The following MSH3 variants were observed in gnomAD, a reference collection of about 807,000 sequenced individuals.
MSH3 encodes the protein mutS homolog 3.
A neutral mutation model predicts 123.3 loss-of-function variants in MSH3; 106 were observed. The ratio of observed to expected loss-of-function variants is 0.86; its 90% CI spans 0.73 to 1.01. MSH3 has a LOEUF of 1.01. Among genes scored for constraint, MSH3 ranks in the 50% least tolerant of loss-of-function variants. The pLI is 0.00. For missense variants in MSH3, 1,459 were observed against 1,347.6 expected (o/e 1.08, Z -1.29); for synonymous variants, 515 against 481.4 (o/e 1.07, Z -0.91).
At chr5:80,657,329 T>C (rs1038768716) in intron 2 of MSH3, among the ~76,000 whole-genome samples, 3 of 152,164 alleles carry the variant, frequency 2.0e-5, no homozygotes, top group Non-Finnish European at 4.4e-5. Context: ...TAATCCCAGC[T>C]ACTTGGGAGG....
chr5:80,706,278 G>A (rs1257185691), intron 8 of MSH3, among the ~76,000 whole-genome samples: 3 of 152,148 alleles, frequency 2.0e-5, no homozygotes, highest in African/African-American at 7.2e-5. Context: ...TGAACTTGTG[G>A]ACTCAAAAGG....
At chr5:80,671,000 T>G (rs1749712778) in intron 4 of MSH3, among the ~76,000 whole-genome samples, 1 of 151,952 alleles carries the variant, frequency 6.6e-6, no homozygotes. Context: ...GTGCATGCCT[T>G]TAGTCCCAGC....
intron 17 of MSH3, among the ~76,000 whole-genome samples, chr5:80,782,656 AG>A (rs1431045088): frequency 6.6e-6 from 1 of 152,208 alleles, no homozygotes; most frequent in African/African-American, 2.4e-5. Context: ...AGTGTATTAA[AG>A]TTTTTATCCA....
intron 20 of MSH3, among the ~76,000 whole-genome samples, chr5:80,838,480 A>G (rs1411984322): frequency 1.3e-5 from 2 of 152,216 alleles, no homozygotes; most frequent in Non-Finnish European, 2.9e-5. Flanking sequence ...TGAGTGCCCA[A>G]GACAGGAAAA....
intron 12 of MSH3, among the ~76,000 whole-genome samples, chr5:80,747,227 C>T (rs1743738299): frequency 6.6e-6 from 1 of 152,204 alleles, no homozygotes. Flanking sequence ...AACAGACTCA[C>T]TAGCAGACTT....
At chr5:80,867,675 A>T (rs1032392311) in intron 22 of MSH3, among the ~76,000 whole-genome samples, 1 of 152,076 alleles carries the variant, frequency 6.6e-6, no homozygotes, top group African/African-American at 2.4e-5. Context: ...AAGTTTTGAG[A>T]TTTTTCATGA....
chr5:80,792,182 T>A (rs1441695801), intron 18 of MSH3, among the ~76,000 whole-genome samples: 1 of 152,116 alleles, frequency 6.6e-6, no homozygotes, highest in East Asian at 1.9e-4. Context: ...GTAGCAATAA[T>A]CTGAACTGTT....
intron 8 of MSH3, among the ~76,000 whole-genome samples, chr5:80,688,694 C>T (rs1456298890): frequency 6.6e-6 from 1 of 151,760 alleles, no homozygotes; most frequent in Admixed American, 6.6e-5. Flanking sequence ...TGACTGAAGT[C>T]CAACTTCTTT....
At chr5:80,686,497 A>T (rs1200639860) in intron 8 of MSH3, among the ~76,000 whole-genome samples, 1 of 151,944 alleles carries the variant, frequency 6.6e-6, no homozygotes, top group Non-Finnish European at 1.5e-5. Context: ...TAGAGACAGG[A>T]TACGGGGTTT....
chr5:80,817,693 A>G (rs908905038), intron 20 of MSH3, among the ~76,000 whole-genome samples: 9 of 152,174 alleles, frequency 5.9e-5, no homozygotes, highest in Non-Finnish European at 1.2e-4. Flanking sequence ...CAGGTATCCT[A>G]TCTTTTCAAA....
chr5:80,772,613 G>A (rs1744231395), intron 15 of MSH3, among the ~76,000 whole-genome samples: 1 of 152,150 alleles, frequency 6.6e-6, no homozygotes. Context: ...TGTAGACCAG[G>A]AAAAGTTGCT....
chr5:80,685,621 T>C (rs1158251233), intron 8 of MSH3, among the ~76,000 whole-genome samples: 1 of 152,094 alleles, frequency 6.6e-6, no homozygotes, highest in Non-Finnish European at 1.5e-5. Context: ...TTTGGTTTGT[T>C]GATCTTTTGT....
intron 22 of MSH3, among the ~76,000 whole-genome samples, chr5:80,872,452 G>A (rs1370211381): frequency 6.6e-6 from 1 of 152,140 alleles, no homozygotes; most frequent in Non-Finnish European, 1.5e-5. Context: ...ATGGATGACA[G>A]AGTCAGACCC....
intron 2 of MSH3, among the ~76,000 whole-genome samples, chr5:80,657,845 A>G (rs1749324987): frequency 6.9e-6 from 1 of 143,930 alleles, no homozygotes. Flanking sequence ...TGGAGGGGTC[A>G]TGCAAGGAGG....
intron 6 of MSH3, among the ~76,000 whole-genome samples, chr5:80,673,824 C>A (rs1216908671): frequency 6.6e-6 from 1 of 151,690 alleles, no homozygotes; most frequent in Non-Finnish European, 1.5e-5. Flanking sequence ...GTTTCAAAAG[C>A]CAAATAATTA....
At chr5:80,672,891 A>G (rs777592841) in intron 6 of MSH3, 33 bp downstream of exon 6, 1 of 1,478,692 alleles carries the variant, frequency 6.8e-7, no homozygotes, top group Non-Finnish European at 9.5e-7. Flanking sequence ...TTTCTCTTAA[A>G]TGATACAAGG....
intron 14 of MSH3, among the ~76,000 whole-genome samples, 160 bp downstream of exon 14, chr5:80,768,280 AC>A (rs1224821085): frequency 6.6e-6 from 1 of 152,170 alleles, no homozygotes; most frequent in Admixed American, 6.5e-5. Flanking sequence ...GTGTTACATT[AC>A]AGCTGGAATA....
At chr5:80,802,263 A>G (rs961945271) in intron 19 of MSH3, among the ~76,000 whole-genome samples, 2 of 151,946 alleles carry the variant, frequency 1.3e-5, no homozygotes, top group Non-Finnish European at 2.9e-5. Flanking sequence ...ATATTTTCCT[A>G]TATTCTTAAA....
Position 80,854,153 on chromosome 5 carries a change from A to G in MSH3, c.2837A>G (p.Tyr946Cys), listed in dbSNP as rs763523970. 2 of 1,613,704 alleles carry G rather than the reference A, an allele frequency of 1.2e-6. No individual in the cohort carries two copies. The highest frequency in any genetic ancestry group is 2.2e-5 in the East Asian group (1 of 44,812). The stretch of plus-strand genomic sequence containing the variant: ...AGGATGGGTGCTGCAGACAATATAT[A>G]TAAAGGACAGAGTACATTTATGGAA... ...FTRMGAADNI[Y>C]KGQSTFMEEL... is the part of the protein sequence containing the mutation. The change falls in exon 21 of 24, where the codon TAT (tyrosine) becomes TGT (cysteine). Residue 946 changes from tyrosine (Y) to cysteine (C), a missense_variant. Physicochemically the swap from Tyr to Cys is radical, Grantham distance 194 (BLOSUM62 -2). Coordinates refer to ENST00000265081, the MANE Select transcript of MSH3 (RefSeq NM_002439.5).
Sources: gnomAD v4.1 joint callset for allele counts (sites outside exome capture counted in the v4.1 genomes callset) on GRCh38, gnomAD v4.1.1 for gene constraint, MANE v1.5 for transcripts, NCBI Gene and HGNC (gene_info 2026-07-23, HGNC 2026-07-21) for gene names.